CAMSAP2: variants seen among roughly 807,000 people sequenced by gnomAD.
CAMSAP2 encodes the protein calmodulin regulated spectrin associated protein family member 2.
CAMSAP2 carries 26 observed loss-of-function variants against 146.1 expected under a neutral mutation model. The observed-to-expected ratio is 0.18, with a 90% CI of 0.13 to 0.25. The LOEUF is 0.25. Among genes scored for constraint, CAMSAP2 ranks in the 10% least tolerant of loss-of-function variants. The pLI is 1.00. For synonymous variants in CAMSAP2, 499 were observed against 596.6 expected (o/e 0.84, Z 2.38); for missense variants, 1,381 against 1,759.3 (o/e 0.78, Z 3.85).
intron 2 of CAMSAP2, among the ~76,000 whole-genome samples, chr1:200,806,787 A>G (rs1323066507): frequency 6.6e-6 from 1 of 150,880 alleles, no homozygotes; most frequent in Non-Finnish European, 1.5e-5. Flanking sequence ...CTATCTATCT[A>G]TCTATCTATC....
chr1:200,791,348 CT>C (rs1665746628), intron 2 of CAMSAP2, among the ~76,000 whole-genome samples: 2 of 151,100 alleles, frequency 1.3e-5, no homozygotes, highest in African/African-American at 2.4e-5. Context: ...ATGGATTTTT[CT>C]TTGTATTTAC....
chr1:200,816,219 C>T (rs956698798), intron 4 of CAMSAP2, among the ~76,000 whole-genome samples: 1 of 151,896 alleles, frequency 6.6e-6, no homozygotes, highest in Non-Finnish European at 1.5e-5. Flanking sequence ...ACTCAGGAGG[C>T]AGAGGTTGCA....
intron 2 of CAMSAP2, among the ~76,000 whole-genome samples, chr1:200,804,648 G>C (rs1349919271): frequency 6.6e-6 from 1 of 152,158 alleles, no homozygotes; most frequent in African/African-American, 2.4e-5. Flanking sequence ...AAAAAGACAG[G>C]ATCCCTGCTC....
At chr1:200,760,032 A>G (rs1458244924) in intron 1 of CAMSAP2, among the ~76,000 whole-genome samples, 2 of 152,176 alleles carry the variant, frequency 1.3e-5, no homozygotes, top group East Asian at 3.8e-4. Context: ...TGGACATTGG[A>G]AGAGTAGGAC....
rs528842840 is a variant in CAMSAP2 at position 200,791,838 on chromosome 1, C to T, written c.400-15538C>T. Among the ~76,000 whole-genome samples the T allele has an allele frequency of 1.4e-4, 22 of 152,166 alleles. No individual in the cohort carries two copies. The South Asian group carries it at 3.7e-3, about 26-fold the overall frequency. On this transcript the variant is annotated intron_variant, in intron 2 of 16. Coordinates refer to ENST00000358823, the MANE Select transcript of CAMSAP2 (RefSeq NM_203459.4). ...AAAATTAGCTGGATGTGGTGGCACG[C>T]GCCTGTAATCTCAGTTACTCAGGAG...
At chr1:200,812,797 A>G (rs1022855690) in intron 3 of CAMSAP2, among the ~76,000 whole-genome samples, 5 of 152,252 alleles carry the variant, frequency 3.3e-5, no homozygotes, top group African/African-American at 4.8e-5. Flanking sequence ...TCATGAATAT[A>G]TTAACCTTAT....
chr1:200,765,577 A>G (rs1019127508), intron 2 of CAMSAP2, among the ~76,000 whole-genome samples: 3 of 152,134 alleles, frequency 2.0e-5, no homozygotes, highest in African/African-American at 7.2e-5. Context: ...CTCCGCTTGA[A>G]TGATGTTTGA....
In CAMSAP2 at chr1:200,853,455, T is replaced by A. The variant is rs765390217; in HGVS notation, c.3783T>A (p.Asp1261Glu). The A allele has an allele frequency of 2.5e-6, 4 of 1,613,676 alleles. No individual in the cohort carries two copies. Among genetic ancestry groups the A allele is most frequent in the Non-Finnish European group, 2.5e-6 (3 of 1,179,874 alleles). The change falls in exon 13 of 17, where the codon GAT (aspartate) becomes GAA (glutamate). Residue 1261 changes from aspartate to glutamate, a missense_variant. Coordinates refer to ENST00000358823, the MANE Select transcript of CAMSAP2 (RefSeq NM_203459.4). This position sits in a 1 kb window ranked among gnomAD's most constrained non-coding sequence, Gnocchi z 5.1. ...KKQRPKSIHRDHIESPKTPIK... is the reference protein window; with the variant it reads ...KKQRPKSIHREHIESPKTPIK... ...AGCGACCAAAATCTATTCACAGAGA[T>A]CATATTGAATCCCCCAAAACACCAA...
intron 4 of CAMSAP2, among the ~76,000 whole-genome samples, chr1:200,822,508 G>A (rs149570989): frequency 7.2e-5 from 11 of 152,230 alleles, no homozygotes; most frequent in African/African-American, 2.6e-4. Context: ...TGAAGGTTGT[G>A]CTTTTCAGGC....
chr1:200,833,083 T>A (rs888427092), intron 6 of CAMSAP2, among the ~76,000 whole-genome samples: 2 of 151,822 alleles, frequency 1.3e-5, no homozygotes, highest in Non-Finnish European at 2.9e-5. Context: ...AATAAAATTT[T>A]AAAAATAAAA....
intron 2 of CAMSAP2, among the ~76,000 whole-genome samples, chr1:200,770,958 C>G (rs989536379): frequency 1.3e-5 from 2 of 151,974 alleles, no homozygotes; most frequent in Non-Finnish European, 1.5e-5. Flanking sequence ...GAGATAGATC[C>G]CAATCTTCTT....
chr1:200,786,697 A>G (rs1377114640), intron 2 of CAMSAP2, among the ~76,000 whole-genome samples: 2 of 152,178 alleles, frequency 1.3e-5, no homozygotes, highest in East Asian at 1.9e-4. Flanking sequence ...AAGATTTTCG[A>G]TGTAGATGAA....
Position 200,832,204 on chromosome 1 carries a change from G to A in CAMSAP2, c.650G>A (p.Arg217His), listed in dbSNP as rs374604766. Residue 217 changes from arginine to histidine, a missense_variant, in exon 5 of 17, where the codon CGT becomes CAT. Physicochemically the swap from Arg to His is conservative, Grantham distance 29 (BLOSUM62 0). Transcript: ENST00000358823. The surrounding 1 kb of genome is among the most constrained non-coding windows in gnomAD (Gnocchi z 4.2). ...TVEAPGGQKA[R>H]YRKEQTLLKQ... ...TGTATTTTTTTTATATCGTAGGCTC[G>A]TTATCGGAAAGAGCAAACATTGCTT... 1.5e-5 allele frequency: 24 copies of A among 1,601,162 alleles called. No individual in the cohort carries two copies. Among genetic ancestry groups the A allele is most frequent in the African/African-American group, 6.8e-5 (5 of 73,922 alleles).
At chr1:200,779,385 A>G (rs1349829605) in intron 2 of CAMSAP2, among the ~76,000 whole-genome samples, 1 of 152,200 alleles carries the variant, frequency 6.6e-6, no homozygotes, top group Non-Finnish European at 1.5e-5. Flanking sequence ...AGAGGAGAGA[A>G]AGGAATTGGA....
chr1:200,792,738 A>G (rs1486339225), intron 2 of CAMSAP2, among the ~76,000 whole-genome samples: 10 of 152,244 alleles, frequency 6.6e-5, no homozygotes, highest in Admixed American at 6.5e-4. Context: ...ACAAAATTAT[A>G]GAAATGGAGA....
rs148961320 is a variant in CAMSAP2, at chr1:200,841,050, A to G, written c.928-944A>G. On this transcript the variant is annotated intron_variant, in intron 6 of 16. Coordinates refer to ENST00000358823, the MANE Select transcript of CAMSAP2 (RefSeq NM_203459.4). ...TTAATTTTAAGCCATTTAAAAAATT[A>G]TTTACATTTTAAAATAGTAATAATA... Among the ~76,000 whole-genome samples the G allele has an allele frequency of 4.5e-3, 690 of 152,318 alleles. 8 individuals are homozygous for G. Among genetic ancestry groups the G allele is most frequent in the African/African-American group, 0.016 (663 of 41,590 alleles).
intron 6 of CAMSAP2, among the ~76,000 whole-genome samples, chr1:200,835,958 C>T (rs58658002): frequency 2.1e-3 from 324 of 152,138 alleles, no homozygotes; most frequent in African/African-American, 6.9e-3. Context: ...TGTCTGGGTA[C>T]GACCCATATA....
At chr1:200,814,961 G>C (rs779804263) in intron 3 of CAMSAP2, among the ~76,000 whole-genome samples, 5 of 151,584 alleles carry the variant, frequency 3.3e-5, no homozygotes, top group Non-Finnish European at 7.4e-5. Flanking sequence ...GCACCATGTA[G>C]ACTTTTTTTT....
At chr1:200,836,081 C>A (rs200698498) in intron 6 of CAMSAP2, among the ~76,000 whole-genome samples, 19,575 of 134,888 alleles carry the variant, frequency 0.15, 1,287 homozygotes, top group East Asian at 0.21. Flanking sequence ...TCATTTGAAT[C>A]TTTTTTTTTT....
Sources: allele counts gnomAD v4.1 joint callset (sites outside exome capture counted in the v4.1 genomes callset), GRCh38; gene constraint gnomAD v4.1.1; non-coding constraint Gnocchi (gnomAD v3.1); transcripts MANE v1.5; gene names NCBI Gene and HGNC (gene_info 2026-07-23, HGNC 2026-07-21).